Variants in SHISA9 observed in about 807,000 individuals in gnomAD.
SHISA9 encodes shisa family member 9.
A neutral mutation model predicts 38.0 loss-of-function variants in SHISA9; 13 were observed. The observed-to-expected ratio is 0.34, with a 90% confidence interval of 0.22 to 0.54. The LOEUF (loss-of-function observed/expected upper bound fraction) is 0.54, where lower values mean the gene tolerates loss of function less well. SHISA9 is among the 20% of genes least tolerant of loss of function. SHISA9 has a pLI of 0.91. For synonymous variants in SHISA9, 275 were observed against 242.0 expected (o/e 1.14, Z -1.27); for missense variants, 538 against 575.8 (o/e 0.93, Z 0.67).
chr16:12,916,539 T>TAA (rs559172664), intron 1 of SHISA9, 149 bp from the exon 2 acceptor site: 1 of 896,374 alleles, frequency 1.1e-6, no homozygotes, highest in Admixed American at 3.4e-5. Flanking sequence ...TTTATTTACT[T>TAA]ACGTTTTTCT....
chr16:13,371,702 A>C, the SHISA9 span, among the ~76,000 whole-genome samples: 1 of 152,258 alleles, frequency 6.6e-6, no homozygotes, highest in Non-Finnish European at 1.5e-5. Context: ...TTATTTTGGC[A>C]TCAGTTCACT....
the SHISA9 span, among the ~76,000 whole-genome samples, chr16:13,289,245 C>T: frequency 1.3e-5 from 2 of 152,064 alleles, no homozygotes; most frequent in African/African-American, 4.8e-5. Flanking sequence ...CCCATGTTTT[C>T]CCTCTGGCTA....
chr16:13,389,524 A>G, the SHISA9 span, among the ~76,000 whole-genome samples: 1 of 152,206 alleles, frequency 6.6e-6, no homozygotes, highest in Non-Finnish European at 1.5e-5. Flanking sequence ...AAAAGAAAAC[A>G]TTTCATTGTC....
At chr16:13,208,076 C>T (rs1596733030) in intron 3 of SHISA9, among the ~76,000 whole-genome samples, 2 of 152,214 alleles carry the variant, frequency 1.3e-5, no homozygotes, top group Non-Finnish European at 2.9e-5. Flanking sequence ...CACTCAGACT[C>T]TAACTGTACT....
chr16:13,084,734 T>G (rs1400461803), intron 2 of SHISA9, among the ~76,000 whole-genome samples: 5 of 53,414 alleles, frequency 9.4e-5, no homozygotes, highest in Non-Finnish European at 1.4e-4. Context: ...AAAGCTTTTC[T>G]CTTAAGCTTA....
At chr16:13,378,229 T>C in the SHISA9 span, among the ~76,000 whole-genome samples, 1 of 152,220 alleles carries the variant, frequency 6.6e-6, no homozygotes, top group Non-Finnish European at 1.5e-5. Context: ...ATTGCTCCAA[T>C]ATGGCTACCT....
intron 1 of SHISA9, among the ~76,000 whole-genome samples, chr16:12,906,797 G>T (rs1419644907): frequency 2.0e-5 from 3 of 152,120 alleles, no homozygotes; most frequent in Non-Finnish European, 2.9e-5. Flanking sequence ...GTTGTACGGG[G>T]CTGTCCTGTG....
chr16:13,325,274 T>C, the SHISA9 span, among the ~76,000 whole-genome samples: 1 of 152,232 alleles, frequency 6.6e-6, no homozygotes, highest in African/African-American at 2.4e-5. Flanking sequence ...TGTCATGTCA[T>C]GACAGAGTCA....
the SHISA9 span, among the ~76,000 whole-genome samples, chr16:13,255,939 C>T: frequency 3.9e-5 from 6 of 152,288 alleles, no homozygotes; most frequent in African/African-American, 1.4e-4. Flanking sequence ...ATGCTTAAAT[C>T]CTTAACATTT....
At chr16:13,509,880 G>T in the SHISA9 span, among the ~76,000 whole-genome samples, 1 of 152,140 alleles carries the variant, frequency 6.6e-6, no homozygotes, top group Non-Finnish European at 1.5e-5. Context: ...GTGATTTAGG[G>T]CAAGTGACCT....
chr16:13,132,204 T>A (rs1032597912), intron 2 of SHISA9, among the ~76,000 whole-genome samples: 1 of 152,154 alleles, frequency 6.6e-6, no homozygotes, highest in African/African-American at 2.4e-5. Flanking sequence ...ACTAGCTGGG[T>A]GACTTTGTGT....
the SHISA9 span, among the ~76,000 whole-genome samples, chr16:13,257,827 A>G: frequency 6.6e-6 from 1 of 152,056 alleles, no homozygotes; most frequent in African/African-American, 2.4e-5. Flanking sequence ...AAATCTGCTC[A>G]TTATGTGCTT....
At chr16:13,205,770 T>C (rs187008000) in intron 3 of SHISA9, among the ~76,000 whole-genome samples, 1 of 152,198 alleles carries the variant, frequency 6.6e-6, no homozygotes, top group Non-Finnish European at 1.5e-5. Context: ...CTTCTTCTTT[T>C]TTCTTTTTTG....
At position 13,139,841 on chromosome 16, in the gene SHISA9, C is replaced by T. The variant is rs984321760; in HGVS notation, c.692-63553C>T. On this transcript the variant is annotated intron_variant, in intron 2 of 4. Transcript: ENST00000558583. ...CAGCTTTAAAACTGTCACCTTGGAA[C>T]CTCAGAAGAGGCAGGCCTTGCTCTT... Among the ~76,000 whole-genome samples, 5 of 152,108 alleles carry T rather than the reference C, an allele frequency of 3.3e-5. No individual in the cohort carries two copies. In the East Asian group the frequency reaches 9.6e-4, roughly 29 times the overall value.
At chr16:13,099,419 G>A (rs184780313) in intron 2 of SHISA9, among the ~76,000 whole-genome samples, 2 of 152,324 alleles carry the variant, frequency 1.3e-5, no homozygotes, top group Non-Finnish European at 2.9e-5. Context: ...AAACAAGGGT[G>A]GGGGACAAAG....
At chr16:13,107,061 A>G (rs945922767) in intron 2 of SHISA9, among the ~76,000 whole-genome samples, 1 of 151,516 alleles carries the variant, frequency 6.6e-6, no homozygotes, top group East Asian at 1.9e-4. Flanking sequence ...TTATTCGACA[A>G]AGGGGGTGTT....
At chr16:12,924,511 C>G (rs1432971357) in intron 2 of SHISA9, among the ~76,000 whole-genome samples, 1 of 152,070 alleles carries the variant, frequency 6.6e-6, no homozygotes, top group African/African-American at 2.4e-5. Flanking sequence ...ATTCCTGAAA[C>G]TTAGTTCTTT....
chr16:13,034,446 A>C (rs2073029319), intron 2 of SHISA9, among the ~76,000 whole-genome samples: 1 of 152,098 alleles, frequency 6.6e-6, no homozygotes, highest in South Asian at 2.1e-4. Context: ...GATCAGGGAG[A>C]ATTGGAACAT....
intron 2 of SHISA9, among the ~76,000 whole-genome samples, chr16:13,122,547 G>T (rs1034354724): frequency 6.6e-6 from 1 of 152,176 alleles, no homozygotes; most frequent in Non-Finnish European, 1.5e-5. Flanking sequence ...GTGTCACCTG[G>T]ATTTGAAGGG....
Sources: allele counts gnomAD v4.1 joint callset (sites outside exome capture counted in the v4.1 genomes callset), GRCh38; gene constraint gnomAD v4.1.1; transcripts MANE v1.5; gene names NCBI Gene and HGNC (gene_info 2026-07-23, HGNC 2026-07-21).